Variants in DOCK4 observed in about 807,000 individuals in gnomAD.
DOCK4 encodes dedicator of cytokinesis 4.
DOCK4 carries 97 observed loss-of-function variants against 268.1 expected under a neutral mutation model. That is an observed-to-expected ratio of 0.36 (90% CI 0.31 to 0.43). DOCK4 has a LOEUF of 0.43. DOCK4 is among the 20% of genes least tolerant of loss of function. The pLI is 1.00. For synonymous variants in DOCK4, 954 were observed against 887.2 expected (o/e 1.08, Z -1.34); for missense variants, 2,145 against 2,455.7 (o/e 0.87, Z 2.67).
chr7:112,028,489 A>C (rs1184272365), intron 1 of DOCK4, among the ~76,000 whole-genome samples: 3 of 152,226 alleles, frequency 2.0e-5, no homozygotes, highest in African/African-American at 7.2e-5. Context: ...TCTCACTAGC[A>C]TAATCTCAGC....
chr7:111,756,152 TC>T (rs1388987943), intron 41 of DOCK4, among the ~76,000 whole-genome samples: 1 of 152,056 alleles, frequency 6.6e-6, no homozygotes, highest in African/African-American at 2.4e-5. Context: ...ATCAAGACCA[TC>T]CTGGATAATA....
intron 31 of DOCK4, among the ~76,000 whole-genome samples, chr7:111,789,582 T>C (rs139405288): frequency 0.013 from 1,907 of 152,334 alleles, 14 homozygotes; most frequent in South Asian, 0.034. Flanking sequence ...GGTTTTTCTT[T>C]CCTAAGTACA....
intron 2 of DOCK4, 25 bp downstream of exon 2, chr7:112,004,023 G>A (rs1477212179): frequency 1.3e-6 from 2 of 1,545,544 alleles, no homozygotes; most frequent in Non-Finnish European, 1.8e-6. Flanking sequence ...CGTATGTTGA[G>A]GAGGTTGTTC....
At chr7:111,938,244 T>C (rs564455015) in intron 11 of DOCK4, among the ~76,000 whole-genome samples, 1 of 152,294 alleles carries the variant, frequency 6.6e-6, no homozygotes, top group South Asian at 2.1e-4. Context: ...TCTTTGTCAA[T>C]GAATTATTGA....
At chr7:111,856,118 T>C (rs1804989615) in intron 23 of DOCK4, among the ~76,000 whole-genome samples, 1 of 152,146 alleles carries the variant, frequency 6.6e-6, no homozygotes, top group Non-Finnish European at 1.5e-5. Flanking sequence ...ACACACATGC[T>C]CCCCATCCCT....
At chr7:112,105,398 G>A (rs1811049890) in intron 1 of DOCK4, among the ~76,000 whole-genome samples, 1 of 152,044 alleles carries the variant, frequency 6.6e-6, no homozygotes, top group Non-Finnish European at 1.5e-5. Context: ...AGACCCCTCT[G>A]TGCTGTTTGT....
At chr7:111,828,542 A>C (rs898235300) in intron 26 of DOCK4, among the ~76,000 whole-genome samples, 1 of 152,208 alleles carries the variant, frequency 6.6e-6, no homozygotes. Flanking sequence ...CAACATTAGG[A>C]ATAAAAAACA....
rs1252654392 is a variant in DOCK4, at chr7:111,868,721, T to TA, written c.2110-568dup. On this transcript the variant is annotated intron_variant, in intron 21 of 52. Transcript: ENST00000428084. ...GCAAAATTCCGTCTAAAAAAAAAAT[T>TA]AAAAAAAAAAAAATTTTATCATTCT... 1.3e-3 allele frequency among the ~76,000 whole-genome samples: 191 copies of TA among 148,292 alleles called. 1 individual carries two copies. The highest frequency in any genetic ancestry group is 4.0e-3 in the African/African-American group (163 of 40,638).
chr7:111,872,285 T>C lies in DOCK4; in HGVS notation c.1910A>G (p.Lys637Arg). 6.4e-7 allele frequency: 1 copy of C among 1,556,456 alleles called. No homozygotes were observed. Among genetic ancestry groups the C allele is most frequent in the East Asian group, 2.3e-5 (1 of 42,738 alleles). ...LDENSQKYGS[K>R]VFDSLVHIIN... ...TGAACTTACCAAAGAATCAAACACT[T>C]TAGACCCATATTTTTGGGAATTTTC... Residue 637 changes from lysine (K) to arginine (R), a missense_variant, in exon 19 of 53, where the codon AAA (lysine) becomes AGA (arginine). Coordinates refer to ENST00000428084, the MANE Select transcript of DOCK4 (RefSeq NM_001363540.2).
At chr7:112,021,832 C>T (rs1055459113) in intron 1 of DOCK4, among the ~76,000 whole-genome samples, 6 of 152,150 alleles carry the variant, frequency 3.9e-5, no homozygotes, top group Non-Finnish European at 7.3e-5. Flanking sequence ...AGAGTTTCTT[C>T]GCCCTGCGCT....
At chr7:112,054,155 C>T (rs1563037941) in intron 1 of DOCK4, among the ~76,000 whole-genome samples, 1 of 152,026 alleles carries the variant, frequency 6.6e-6, no homozygotes, top group Non-Finnish European at 1.5e-5. Flanking sequence ...GACCCTAACT[C>T]TATAAAATAT....
intron 49 of DOCK4, among the ~76,000 whole-genome samples, chr7:111,738,211 A>C (rs1385484165): frequency 6.6e-6 from 1 of 152,204 alleles, no homozygotes; most frequent in East Asian, 1.9e-4. Flanking sequence ...TCTCAGAAAA[A>C]CAGGGATCAC....
At chr7:111,960,200 C>G (rs1289342013) in intron 8 of DOCK4, among the ~76,000 whole-genome samples, 1 of 151,584 alleles carries the variant, frequency 6.6e-6, no homozygotes, top group Non-Finnish European at 1.5e-5. Flanking sequence ...CCCGTCTCTA[C>G]TAAAAATACA....
chr7:111,850,080 C>T (rs188579761), intron 23 of DOCK4, among the ~76,000 whole-genome samples: 12 of 152,150 alleles, frequency 7.9e-5, no homozygotes, highest in Admixed American at 2.0e-4. Flanking sequence ...TGAGCTTATA[C>T]GTTAAAAAAA....
chr7:111,959,956 C>T (rs1221139751), intron 8 of DOCK4, among the ~76,000 whole-genome samples: 1 of 152,224 alleles, frequency 6.6e-6, no homozygotes, highest in Non-Finnish European at 1.5e-5. Context: ...ATTGGTGCGG[C>T]CATCACTGCA....
intron 26 of DOCK4, among the ~76,000 whole-genome samples, chr7:111,830,147 A>T (rs994361989): frequency 6.6e-6 from 1 of 152,260 alleles, no homozygotes; most frequent in South Asian, 2.1e-4. Context: ...ATAAGGTGAT[A>T]TATGAACTTT....
chr7:112,066,871 A>C (rs895795200), intron 1 of DOCK4, among the ~76,000 whole-genome samples: 7 of 150,962 alleles, frequency 4.6e-5, no homozygotes, highest in African/African-American at 1.7e-4. Context: ...TGGGCTGGGC[A>C]CAGTGGCTCA....
At chr7:112,090,435 T>C (rs559078946) in intron 1 of DOCK4, among the ~76,000 whole-genome samples, 21 of 152,306 alleles carry the variant, frequency 1.4e-4, no homozygotes, top group African/African-American at 5.1e-4. Flanking sequence ...AAAAGTCAAT[T>C]CACCTCTAAC....
intron 1 of DOCK4, among the ~76,000 whole-genome samples, chr7:112,069,453 C>G (rs1291211450): frequency 6.6e-6 from 1 of 152,190 alleles, no homozygotes; most frequent in Admixed American, 6.5e-5. Flanking sequence ...ACTTGAATCT[C>G]AATTCTACCT....
Sources: gnomAD v4.1 joint callset for allele counts (sites outside exome capture counted in the v4.1 genomes callset) on GRCh38, gnomAD v4.1.1 for gene constraint, MANE v1.5 for transcripts, NCBI Gene and HGNC (gene_info 2026-07-23, HGNC 2026-07-21) for gene names.